IKZF3: variants seen among roughly 807,000 people sequenced by gnomAD.
The protein encoded by IKZF3 is IKAROS family zinc finger 3.
A neutral mutation model predicts 49.0 loss-of-function variants in IKZF3; 10 were observed. The observed-to-expected ratio is 0.20, with a 90% confidence interval of 0.13 to 0.35. The LOEUF is 0.35. IKZF3 is among the 10% of genes least tolerant of loss of function. The probability of loss-of-function intolerance (pLI) is 1.00; values close to 1 mark genes in which losing one functional copy is unlikely to be tolerated. For missense variants in IKZF3, 498 were observed against 664.8 expected (o/e 0.75, Z 2.76); for synonymous variants, 209 against 228.2 (o/e 0.92, Z 0.76).
At chr17:39,807,104 A>G (rs2061445951) in intron 3 of IKZF3, among the ~76,000 whole-genome samples, 1 of 152,210 alleles carries the variant, frequency 6.6e-6, no homozygotes, top group Admixed American at 6.5e-5. Flanking sequence ...ACTGAAGCAG[A>G]GGACCCAGAT....
At chr17:39,795,552 A>G (rs1440038276) in intron 3 of IKZF3, among the ~76,000 whole-genome samples, 2 of 151,774 alleles carry the variant, frequency 1.3e-5, no homozygotes, top group Non-Finnish European at 2.9e-5. Flanking sequence ...GATTACAGGC[A>G]TGCACCACAA....
At chr17:39,835,973 G>C (rs2062266978) in intron 1 of IKZF3, 2 of 637,488 alleles carry the variant, frequency 3.1e-6, no homozygotes, top group Non-Finnish European at 5.8e-6. Context: ...ACGGAGGTTT[G>C]TTGATGTAGC....
intron 6 of IKZF3, among the ~76,000 whole-genome samples, chr17:39,778,521 G>A (rs187687214): frequency 2.3e-4 from 35 of 152,252 alleles, no homozygotes; most frequent in Admixed American, 2.3e-3. Context: ...ACTGCCTATG[G>A]GCTGGGTGCG....
intron 3 of IKZF3, among the ~76,000 whole-genome samples, chr17:39,810,461 A>G (rs2061524429): frequency 6.6e-6 from 1 of 152,156 alleles, no homozygotes; most frequent in African/African-American, 2.4e-5. Flanking sequence ...CTCCATCATG[A>G]ATTTAAAAAT....
intron 1 of IKZF3, among the ~76,000 whole-genome samples, chr17:39,858,070 C>T (rs1203685077): frequency 6.6e-6 from 1 of 151,808 alleles, no homozygotes; most frequent in Non-Finnish European, 1.5e-5. Flanking sequence ...AACTTAGTTG[C>T]ATAATCCTTA....
rs987689840 is a variant in IKZF3 at position 39,764,227 on chromosome 17, G to T, written c.*1563C>A. 4 of 152,176 alleles carry T rather than the reference G, an allele frequency of 2.6e-5. No individual in the cohort carries two copies. Among genetic ancestry groups the T allele is most frequent in the African/African-American group, 9.7e-5 (4 of 41,436 alleles). 9.4% of individuals were successfully genotyped at this position (152,176 alleles called of 1,614,324 possible). On this transcript the variant is annotated 3_prime_UTR_variant, in exon 8 of 8. Coordinates refer to ENST00000346872, the MANE Select transcript of IKZF3 (RefSeq NM_012481.5). ...ACCTGTAATCCCAGCACTTTAGGAG[G>T]CTGAGGCGGGCTGATTGCTTGAGCC...
intron 1 of IKZF3, among the ~76,000 whole-genome samples, chr17:39,858,276 T>C (rs2063122992): frequency 6.6e-6 from 1 of 151,960 alleles, no homozygotes; most frequent in Non-Finnish European, 1.5e-5. Context: ...CTGGGTAACA[T>C]AGCAAGACTA....
At chr17:39,779,099 C>A (rs982938368) in intron 6 of IKZF3, among the ~76,000 whole-genome samples, 1 of 152,208 alleles carries the variant, frequency 6.6e-6, no homozygotes, top group African/African-American at 2.4e-5. Flanking sequence ...ATCTAATCAA[C>A]TAAAATAGTA....
At chr17:39,767,737 C>T (rs1444688601) in intron 7 of IKZF3, among the ~76,000 whole-genome samples, 2 of 152,032 alleles carry the variant, frequency 1.3e-5, no homozygotes, top group East Asian at 1.9e-4. Flanking sequence ...AGAAATAAGA[C>T]CTATATATAT....
At chr17:39,809,478 A>T (rs2144082381) in intron 3 of IKZF3, among the ~76,000 whole-genome samples, 1 of 152,352 alleles carries the variant, frequency 6.6e-6, no homozygotes, top group South Asian at 2.1e-4. Flanking sequence ...TGGCTCTGAC[A>T]TCTTCATTCA....
chr17:39,850,559 A>G (rs1191158328), intron 1 of IKZF3, among the ~76,000 whole-genome samples: 1 of 121,250 alleles, frequency 8.2e-6, no homozygotes, highest in African/African-American at 3.0e-5. Flanking sequence ...CATATTATAC[A>G]TGTACATATA....
At chr17:39,862,046 T>C (rs1412653812) in intron 1 of IKZF3, among the ~76,000 whole-genome samples, 1 of 152,184 alleles carries the variant, frequency 6.6e-6, no homozygotes, top group African/African-American at 2.4e-5. Context: ...GATGTTATAG[T>C]ACAAATAATA....
At chr17:39,803,902 C>CGT (rs1165803316) in intron 3 of IKZF3, among the ~76,000 whole-genome samples, 1 of 152,102 alleles carries the variant, frequency 6.6e-6, no homozygotes, top group East Asian at 1.9e-4. Flanking sequence ...CATCCAAATA[C>CGT]AATTGGCTAA....
At chr17:39,860,690 G>A (rs2063192091) in intron 1 of IKZF3, among the ~76,000 whole-genome samples, 1 of 152,178 alleles carries the variant, frequency 6.6e-6, no homozygotes, top group Non-Finnish European at 1.5e-5. Context: ...GAATTAATGT[G>A]ACCCCCAAAT....
At chr17:39,799,065 G>C (rs1377156260) in intron 3 of IKZF3, among the ~76,000 whole-genome samples, 1 of 151,938 alleles carries the variant, frequency 6.6e-6, no homozygotes, top group Admixed American at 6.6e-5. Flanking sequence ...GTATCTGTAA[G>C]ACCAGAGGTT....
At chr17:39,813,302 T>C (rs1399654576) in intron 3 of IKZF3, among the ~76,000 whole-genome samples, 1 of 138,818 alleles carries the variant, frequency 7.2e-6, no homozygotes, top group Non-Finnish European at 1.5e-5. Flanking sequence ...AGCTTAGTTA[T>C]GAAAAAAAAA....
intron 2 of IKZF3, among the ~76,000 whole-genome samples, chr17:39,830,092 A>G (rs1312118606): frequency 6.6e-6 from 1 of 152,236 alleles, no homozygotes; most frequent in Non-Finnish European, 1.5e-5. Flanking sequence ...CCATTGGTAT[A>G]TCTCACGATA....
chr17:39,834,756 G>A (rs928138258), intron 1 of IKZF3, among the ~76,000 whole-genome samples: 11 of 150,890 alleles, frequency 7.3e-5, no homozygotes, highest in African/African-American at 2.7e-4. Flanking sequence ...TATTTTGGAG[G>A]AAAAAAAAAT....
intron 1 of IKZF3, among the ~76,000 whole-genome samples, chr17:39,856,270 CAGTT>C (rs1419870371): frequency 1.3e-5 from 2 of 152,082 alleles, no homozygotes; most frequent in East Asian, 1.9e-4. Flanking sequence ...GGGAATAAGA[CAGTT>C]AGTAATATTC....
Sources: gnomAD v4.1 joint callset for allele counts (sites outside exome capture counted in the v4.1 genomes callset) on GRCh38, gnomAD v4.1.1 for gene constraint, MANE v1.5 for transcripts, NCBI Gene and HGNC (gene_info 2026-07-23, HGNC 2026-07-21) for gene names.